Variants in CES1 observed in about 807,000 individuals in gnomAD.
The protein encoded by CES1 is liver carboxylesterase 1.
CES1 carries 50 observed loss-of-function variants against 53.0 expected under a neutral mutation model. The ratio of observed to expected loss-of-function variants is 0.94; its 90% CI spans 0.75 to 1.19. The LOEUF (loss-of-function observed/expected upper bound fraction) is 1.19. Ranked by LOEUF, CES1 falls within the 50% of genes most tolerant of loss-of-function variation. The pLI is 0.00. For missense variants in CES1, 534 were observed against 538.0 expected, an observed-to-expected ratio of 0.99 and a Z score of 0.07; for synonymous variants, 202 against 210.1, an observed-to-expected ratio of 0.96 and a Z score of 0.33.
intron 9 of CES1, chr16:55,812,243 TC>T (rs2031732210): frequency 6.5e-6 from 1 of 153,790 alleles, no homozygotes; most frequent in South Asian, 2.0e-4. Context: ...TTTATTTGTT[TC>T]CAACTTTTAT....
chr16:55,827,740 G>A (rs1597089945), intron 2 of CES1: 1 of 152,268 alleles, frequency 6.6e-6, no homozygotes, highest in Middle Eastern at 3.4e-3. Context: ...GCTATTTAAT[G>A]GCATGGAATT....
intron 2 of CES1, among the ~76,000 whole-genome samples, chr16:55,826,538 G>A (rs1185183472): frequency 6.6e-6 from 1 of 152,174 alleles, no homozygotes; most frequent in Non-Finnish European, 1.5e-5. Flanking sequence ...CAGAGCCTTT[G>A]GAACTCCCAG....
intron 8 of CES1, among the ~76,000 whole-genome samples, chr16:55,814,395 G>C (rs745951233): frequency 6.6e-6 from 1 of 152,184 alleles, no homozygotes; most frequent in Non-Finnish European, 1.5e-5. Context: ...GATAGAGCGT[G>C]GATGTTGCTA....
At chr16:55,824,563 C>T (rs1283068158) in intron 3 of CES1, among the ~76,000 whole-genome samples, 5 of 152,148 alleles carry the variant, frequency 3.3e-5, no homozygotes, top group Non-Finnish European at 7.3e-5. Context: ...CTTAACCTGC[C>T]CAAGGTCCTA....
intron 9 of CES1, 56 bp from the exon 10 acceptor site, chr16:55,811,066 A>T (rs552646499): frequency 7.0e-7 from 1 of 1,432,464 alleles, no homozygotes; most frequent in South Asian, 1.2e-5. Context: ...ATGATAAGAA[A>T]CAAACTGACC....
At chr16:55,812,394 A>C (rs79023775) in intron 9 of CES1, 10,815 of 199,670 alleles carry the variant, frequency 0.054, 390 homozygotes, top group African/African-American at 0.092. Flanking sequence ...TCCTCTGACC[A>C]TCCACTCTCT....
chr16:55,808,679 A>G (rs2031543517), intron 11 of CES1, among the ~76,000 whole-genome samples: 1 of 152,192 alleles, frequency 6.6e-6, no homozygotes, highest in African/African-American at 2.4e-5. Context: ...CATTAGGCTG[A>G]GCTCAATGTT....
rs541337429 is a variant in CES1, at chr16:55,825,567, G to C, written c.405+584C>G. The stretch of plus-strand genomic sequence containing the variant: ...GGCAAAAGGAAGAGCTTCTGGGATT[G>C]TCCAGGCTCCGCCCCCAACATCCGT... On this transcript the variant is annotated intron_variant, in intron 3 of 13. Transcript: ENST00000360526. Among the ~76,000 whole-genome samples the C allele has an allele frequency of 2.5e-4, 38 of 152,368 alleles. No individual in the cohort carries two copies. In the South Asian group the frequency reaches 7.7e-3, roughly 31 times the overall value.
chr16:55,822,069 A>T (rs143554390), intron 4 of CES1, among the ~76,000 whole-genome samples: 165 of 152,382 alleles, frequency 1.1e-3, no homozygotes, highest in African/African-American at 3.9e-3. Context: ...CAGAAGAAAA[A>T]GCAAGTGCAA....
At chr16:55,819,267 A>C in intron 7 of CES1, among the ~76,000 whole-genome samples, 1 of 152,352 alleles carries the variant, frequency 6.6e-6, no homozygotes. Context: ...TAATTTCTTA[A>C]AAATACATCT....
chr16:55,816,853 C>T, intron 8 of CES1, 71 bp downstream of exon 8: 1 of 1,501,216 alleles, frequency 6.7e-7, no homozygotes, highest in South Asian at 1.1e-5. Context: ...ATGATTCTTT[C>T]ACTCACAGTT....
chr16:55,817,702 G>T (rs547082785), intron 7 of CES1, among the ~76,000 whole-genome samples: 4 of 151,842 alleles, frequency 2.6e-5, no homozygotes, highest in African/African-American at 4.8e-5. Context: ...TTGTGTGTGG[G>T]TGTCTGTGTG....
intron 1 of CES1, among the ~76,000 whole-genome samples, chr16:55,832,412 C>A (rs1302758253): frequency 4.3e-4 from 65 of 152,332 alleles, no homozygotes; most frequent in Non-Finnish European, 6.5e-4. Flanking sequence ...TAAACAGCGC[C>A]TTTATTTATC....
Position 55,816,931 on chromosome 16 carries a change from G to T in CES1, c.938C>A (p.Pro313His), listed in dbSNP as rs201879239. The change falls in exon 8 of 14, where the codon CCC becomes CAC. Residue 313 changes from proline (P) to histidine (H), a missense_variant. Pro to His is a moderately conservative substitution (Grantham distance 77). Coordinates refer to ENST00000360526, the MANE Select transcript of CES1 (RefSeq NM_001025195.2). ...KFLSLDLQGDPRESQPLLGTV... is the reference protein window; with the variant it reads ...KFLSLDLQGDHRESQPLLGTV... The stretch of plus-strand genomic sequence containing the variant: ...GAAACAAAAGGTCCTTACCTCTCTG[G>T]GGTCTCCCTGTAAGTCCAGAGATAA... 1.1e-5 allele frequency: 17 copies of T among 1,613,856 alleles called. No homozygotes were observed. In the East Asian group the frequency reaches 3.3e-4, roughly 32 times the overall value.
intron 11 of CES1, among the ~76,000 whole-genome samples, chr16:55,810,297 C>T (rs1229950523): frequency 6.6e-6 from 1 of 152,146 alleles, no homozygotes; most frequent in Non-Finnish European, 1.5e-5. Flanking sequence ...TATCTGGGAT[C>T]ATCACCTTAA....
intron 7 of CES1, among the ~76,000 whole-genome samples, chr16:55,818,849 G>A (rs1248907387): frequency 3.9e-5 from 6 of 152,020 alleles, no homozygotes; most frequent in South Asian, 2.1e-4. Context: ...GCAGACAGGC[G>A]ATAATTGGAT....
At chr16:55,826,054 C>T (rs1443373065) in intron 3 of CES1, 97 bp downstream of exon 3, 2 of 1,494,176 alleles carry the variant, frequency 1.3e-6, no homozygotes, top group South Asian at 1.1e-5. Flanking sequence ...GCCTGTGCAG[C>T]TCCCTCCCCA....
At position 55,810,512 on chromosome 16, in the gene CES1, C is replaced by T; in HGVS notation, c.1318+5G>A. 2.5e-6 allele frequency: 4 copies of T among 1,614,140 alleles called. No homozygotes were observed. Among genetic ancestry groups the T allele is most frequent in the Non-Finnish European group, 2.5e-6 (3 of 1,180,026 alleles). On this transcript the variant is annotated splice_donor_5th_base_variant and intron_variant, in intron 11 of 13. Transcript: ENST00000360526. ...TGTCCCTCCCGTTCGACCTCTGGGACTCACCTCTGTGGTTCCGGGCCACAA... is the reference window on the plus strand; with the variant it reads ...TGTCCCTCCCGTTCGACCTCTGGGATTCACCTCTGTGGTTCCGGGCCACAA...
At chr16:55,810,410 G>A in intron 11 of CES1, 107 bp downstream of exon 11, 1 of 1,447,490 alleles carries the variant, frequency 6.9e-7, no homozygotes, top group Non-Finnish European at 9.7e-7. Flanking sequence ...CAGCCTTTGA[G>A]GCCTGACCCT....
Sources: gnomAD v4.1 joint callset for allele counts (sites outside exome capture counted in the v4.1 genomes callset) on GRCh38, gnomAD v4.1.1 for gene constraint, MANE v1.5 for transcripts, NCBI Gene and HGNC (gene_info 2026-07-23, HGNC 2026-07-21) for gene names.